Variants in DYM observed in about 807,000 individuals in gnomAD.
DYM encodes dyggve-Melchior-Clausen syndrome protein.
DYM carries 78 observed loss-of-function variants against 93.1 expected under a neutral mutation model. That is an observed-to-expected ratio of 0.84 (90% CI 0.70 to 1.01). DYM has a LOEUF of 1.01. Among genes scored for constraint, DYM ranks in the 50% least tolerant of loss-of-function variants. The probability of loss-of-function intolerance (pLI) is 0.00; values close to 1 mark genes in which losing one functional copy is unlikely to be tolerated. For missense variants in DYM, 789 were observed against 845.0 expected, an observed-to-expected ratio of 0.93 and a Z score of 0.82; for synonymous variants, 321 against 319.7, an observed-to-expected ratio of 1.00 and a Z score of -0.04.
At chr18:49,384,953 G>C (rs1353801186) in intron 3 of DYM, among the ~76,000 whole-genome samples, 1 of 149,852 alleles carries the variant, frequency 6.7e-6, no homozygotes, top group Non-Finnish European at 1.5e-5. Flanking sequence ...AACTGAAAAA[G>C]ATCTTCGTAC....
intron 1 of DYM, among the ~76,000 whole-genome samples, chr18:49,436,827 A>G (rs1423200814): frequency 6.6e-6 from 1 of 152,242 alleles, no homozygotes; most frequent in Non-Finnish European, 1.5e-5. Context: ...AAATGACACC[A>G]GATCAAAAGA....
intron 8 of DYM, among the ~76,000 whole-genome samples, chr18:49,329,376 T>C (rs957006018): frequency 6.6e-6 from 1 of 152,006 alleles, no homozygotes; most frequent in African/African-American, 2.4e-5. Context: ...ATGGCACATA[T>C]ATACATATGT....
At chr18:49,309,297 CT>C (rs1469040005) in intron 8 of DYM, among the ~76,000 whole-genome samples, 1 of 152,148 alleles carries the variant, frequency 6.6e-6, no homozygotes, top group Non-Finnish European at 1.5e-5. Flanking sequence ...AGGTGGCAAA[CT>C]TGAAAGTTTG....
chr18:49,398,276 T>C (rs930580034), intron 2 of DYM, among the ~76,000 whole-genome samples: 1 of 152,196 alleles, frequency 6.6e-6, no homozygotes, highest in Admixed American at 6.5e-5. Flanking sequence ...CTCTGCTGTC[T>C]GTCTCTCTGT....
chr18:49,401,638 A>T (rs1289679366), intron 2 of DYM, among the ~76,000 whole-genome samples: 8 of 149,852 alleles, frequency 5.3e-5, no homozygotes, highest in South Asian at 2.1e-4. Flanking sequence ...TCTCTCTCTC[A>T]CACACACGCA....
intron 8 of DYM, among the ~76,000 whole-genome samples, chr18:49,317,646 CTCCTTCCTTCCTTCCT>C (rs71297073): frequency 2.7e-5 from 1 of 36,564 alleles, no homozygotes; most frequent in Non-Finnish European, 5.2e-5. Context: ...ATCCTCTCCT[CTCCTTCCTTCCTTCCT>C]TCCTTCCTTC....
At chr18:49,211,375 T>C (rs1398492176) in intron 13 of DYM, among the ~76,000 whole-genome samples, 1 of 152,080 alleles carries the variant, frequency 6.6e-6, no homozygotes, top group Non-Finnish European at 1.5e-5. Context: ...GAGAAGAGAA[T>C]GTAAAATCAA....
intron 13 of DYM, among the ~76,000 whole-genome samples, chr18:49,244,186 C>T (rs541189820): frequency 1.1e-4 from 16 of 152,240 alleles, no homozygotes; most frequent in East Asian, 1.9e-4. Flanking sequence ...GTATTTGCTA[C>T]GTATGACTAT....
intron 11 of DYM, among the ~76,000 whole-genome samples, chr18:49,262,386 G>C (rs1409860016): frequency 6.6e-6 from 1 of 152,096 alleles, no homozygotes; most frequent in Non-Finnish European, 1.5e-5. Flanking sequence ...CTATTGTTAG[G>C]AGTCACCTAG....
At chr18:49,401,240 C>T (rs143142439) in intron 2 of DYM, among the ~76,000 whole-genome samples, 259 of 152,258 alleles carry the variant, frequency 1.7e-3, no homozygotes, top group Non-Finnish European at 2.9e-3. Flanking sequence ...GTCAAAGTAG[C>T]TAAACAAACT....
chr18:49,396,797 A>C (rs891872781), intron 2 of DYM, among the ~76,000 whole-genome samples: 3 of 152,192 alleles, frequency 2.0e-5, no homozygotes, highest in East Asian at 3.8e-4. Flanking sequence ...ACAAGACATT[A>C]AGTGAAATAA....
intron 1 of DYM, among the ~76,000 whole-genome samples, chr18:49,458,740 G>A (rs987645352): frequency 1.3e-5 from 2 of 152,164 alleles, no homozygotes; most frequent in African/African-American, 4.8e-5. Context: ...TCAGGAGGCT[G>A]AGGCAGGAGA....
chr18:49,055,182 C>T (rs2075367549), intron 17 of DYM, among the ~76,000 whole-genome samples: 1 of 152,072 alleles, frequency 6.6e-6, no homozygotes, highest in Non-Finnish European at 1.5e-5. Flanking sequence ...GTGGAGGGAC[C>T]CTCTGGAGCA....
At chr18:49,213,349 T>A (rs112172431) in intron 13 of DYM, among the ~76,000 whole-genome samples, 2 of 150,116 alleles carry the variant, frequency 1.3e-5, no homozygotes, top group South Asian at 2.1e-4. Flanking sequence ...TAGACTGGAG[T>A]GCAATGGCAT....
At chr18:49,320,803 T>A (rs2062417406) in intron 8 of DYM, among the ~76,000 whole-genome samples, 1 of 152,118 alleles carries the variant, frequency 6.6e-6, no homozygotes, top group Non-Finnish European at 1.5e-5. Flanking sequence ...AAGTTTTGAA[T>A]AACTCTTACC....
In DYM at chr18:49,424,808, A is replaced by G. The variant is rs1294266640; in HGVS notation, c.140+5447T>C. On this transcript the variant is annotated intron_variant, in intron 2 of 17. Coordinates refer to ENST00000675505, the MANE Select transcript of DYM (RefSeq NM_001353214.3). ...CCCATTCACAATTGCTTCAAAGAGA[A>G]TAAAATACCTAGGAATCCAACTTAC... 2.0e-5 allele frequency among the ~76,000 whole-genome samples: 3 copies of G among 152,314 alleles called. No homozygotes were observed. The East Asian group carries it at 5.8e-4, about 29-fold the overall frequency.
intron 15 of DYM, among the ~76,000 whole-genome samples, chr18:49,120,136 T>C (rs2082258999): frequency 7.5e-6 from 1 of 133,562 alleles, no homozygotes; most frequent in Non-Finnish European, 1.7e-5. Context: ...ACCAGAGATA[T>C]ATCAAAATGG....
At chr18:49,079,698 T>C in intron 17 of DYM, among the ~76,000 whole-genome samples, 1 of 151,598 alleles carries the variant, frequency 6.6e-6, no homozygotes, top group Non-Finnish European at 1.5e-5. Context: ...ACAGCACATG[T>C]TTCAGAGAGC....
intron 17 of DYM, among the ~76,000 whole-genome samples, chr18:49,068,104 A>G (rs2076612838): frequency 6.6e-6 from 1 of 152,350 alleles, no homozygotes; most frequent in East Asian, 1.9e-4. Flanking sequence ...TTGGACTTTC[A>G]AGCTTTTTTG....
Sources: allele counts gnomAD v4.1 joint callset (sites outside exome capture counted in the v4.1 genomes callset), GRCh38; gene constraint gnomAD v4.1.1; transcripts MANE v1.5; gene names NCBI Gene and HGNC (gene_info 2026-07-23, HGNC 2026-07-21).